DDX60: variants seen among roughly 807,000 people sequenced by gnomAD.
The protein encoded by DDX60 is probable ATP-dependent RNA helicase DDX60.
In DDX60, 165 loss-of-function variants were observed where a neutral mutation model predicts 212.8. The observed-to-expected ratio is 0.78, with a 90% CI of 0.68 to 0.88. The LOEUF is 0.88. DDX60 is among the 40% of genes least tolerant of loss of function. The pLI, the probability that DDX60 is intolerant of heterozygous loss-of-function variation, is 0.00. For synonymous variants in DDX60, 703 were observed against 685.3 expected, an observed-to-expected ratio of 1.03 and a Z score of -0.40; for missense variants, 1,905 against 2,003.9, an observed-to-expected ratio of 0.95 and a Z score of 0.94.
chr4:168,228,331 C>T (rs1397048196), intron 33 of DDX60, among the ~76,000 whole-genome samples: 2 of 151,932 alleles, frequency 1.3e-5, no homozygotes, highest in East Asian at 3.9e-4. Context: ...TAAGATATAG[C>T]CTGAAAATCT....
At chr4:168,259,223 TC>T (rs1734529968) in intron 25 of DDX60, among the ~76,000 whole-genome samples, 1 of 152,196 alleles carries the variant, frequency 6.6e-6, no homozygotes, top group Non-Finnish European at 1.5e-5. Flanking sequence ...AAATTTTGCC[TC>T]CCCTATATTT....
chr4:168,283,583 G>A lies in DDX60; in HGVS notation c.1585C>T (p.Leu529Phe). The change falls in exon 13 of 38, where the codon CTT becomes TTT. Residue 529 changes from leucine to phenylalanine, a missense_variant. Leu to Phe is a conservative substitution (Grantham distance 22). Coordinates refer to ENST00000393743, the MANE Select transcript of DDX60 (RefSeq NM_017631.6). ...FDEKSRDPRV[L>F]RSVQKYHVFQ... is the part of the protein sequence containing the mutation. ...ACATGATACTTTTGCACAGATCTAA[G>A]AACACGAGGGTCTCTAGATTTTTCT... 1 of 1,605,280 alleles carries A rather than the reference G, an allele frequency of 6.2e-7. No individual in the cohort carries two copies. Among genetic ancestry groups the A allele is most frequent in the Non-Finnish European group, 8.5e-7 (1 of 1,176,934 alleles).
chr4:168,276,887 A>C (rs943353684), intron 14 of DDX60, among the ~76,000 whole-genome samples: 11 of 152,228 alleles, frequency 7.2e-5, no homozygotes, highest in South Asian at 2.1e-4. Flanking sequence ...TGAGCAGTTC[A>C]CTTAGAAAAA....
chr4:168,267,629 T>C lies in DDX60; in HGVS notation c.2992A>G (p.Ile998Val), dbSNP rs576619. ...CATGGGTGAAAATGATCAAAATGAA[T>C]GTCACCATGTTTTATTGAACATACA... ...KHVCSIKHGD[I>V]HFDHFHPCAA... The change falls in exon 22 of 38, where the codon ATT (isoleucine) becomes GTT (valine). Residue 998 changes from isoleucine to valine, a missense_variant. Coordinates refer to ENST00000393743, the MANE Select transcript of DDX60 (RefSeq NM_017631.6). 0.076 allele frequency: 121,198 copies of C among 1,600,712 alleles called. 4,989 individuals are homozygous for C. The highest frequency in any genetic ancestry group is 0.12 in the African/African-American group (8,980 of 74,720).
chr4:168,251,232 T>C (rs1734209043), intron 27 of DDX60, 126 bp from the exon 28 acceptor site: 1 of 809,018 alleles, frequency 1.2e-6, no homozygotes, highest in African/African-American at 1.8e-5. Flanking sequence ...AAACTGACTC[T>C]ACATGAATAC....
intron 7 of DDX60, among the ~76,000 whole-genome samples, chr4:168,293,348 T>C (rs1321179074): frequency 6.6e-6 from 1 of 152,214 alleles, no homozygotes; most frequent in Non-Finnish European, 1.5e-5. Flanking sequence ...CAATCCACCT[T>C]GCTATTTAGT....
intron 13 of DDX60, among the ~76,000 whole-genome samples, chr4:168,282,019 C>CA (rs1315142372): frequency 2.6e-5 from 4 of 151,950 alleles, no homozygotes; most frequent in Admixed American, 2.0e-4. Context: ...ACAACAACAA[C>CA]AAAAAAACTG....
intron 19 of DDX60, among the ~76,000 whole-genome samples, chr4:168,270,931 G>A (rs1397188941): frequency 1.5e-5 from 2 of 134,610 alleles, no homozygotes; most frequent in Non-Finnish European, 3.0e-5. Context: ...AGGCTGGAGT[G>A]CAGTGGTACG....
rs1579075247 is a variant in DDX60 at position 168,302,108 on chromosome 4, G to T, written c.723+192C>A. The stretch of plus-strand genomic sequence containing the variant: ...GGAAAAGTCAGTGTAATTGGAATAA[G>T]GTCTAAAGTTTAGTTAATAGGATTG... On this transcript the variant is annotated intron_variant, in intron 6 of 37. Coordinates refer to ENST00000393743, the MANE Select transcript of DDX60 (RefSeq NM_017631.6). Among the ~76,000 whole-genome samples the T allele has an allele frequency of 3.3e-5, 5 of 152,288 alleles. No individual in the cohort carries two copies. The South Asian group carries it at 1.0e-3, about 32-fold the overall frequency.
At chr4:168,305,920 AGGGG>A (rs1418071748) in intron 5 of DDX60, among the ~76,000 whole-genome samples, 2 of 152,112 alleles carry the variant, frequency 1.3e-5, no homozygotes, top group South Asian at 4.1e-4. Context: ...TCTCAGCAAC[AGGGG>A]CGTAATTTTT....
chr4:168,275,167 G>T (rs994692168), intron 16 of DDX60, among the ~76,000 whole-genome samples, 178 bp downstream of exon 16: 1 of 152,024 alleles, frequency 6.6e-6, no homozygotes, highest in African/African-American at 2.4e-5. Context: ...TATAATAAAA[G>T]AAAATCTCAC....
intron 24 of DDX60, among the ~76,000 whole-genome samples, chr4:168,261,612 G>T (rs1734626024): frequency 6.6e-6 from 1 of 152,078 alleles, no homozygotes; most frequent in South Asian, 2.1e-4. Context: ...GAAATAAGAA[G>T]AAGAAAAGGA....
chr4:168,313,205 G>A (rs1737217589), intron 1 of DDX60, among the ~76,000 whole-genome samples: 1 of 152,174 alleles, frequency 6.6e-6, no homozygotes, highest in Non-Finnish European at 1.5e-5. Context: ...GTGTTCTGAG[G>A]TTTCAAGAAC....
chr4:168,269,448 A>G (rs766867597), intron 19 of DDX60, among the ~76,000 whole-genome samples: 8 of 152,100 alleles, frequency 5.3e-5, no homozygotes, highest in Non-Finnish European at 1.0e-4. Flanking sequence ...AAAACAAAAA[A>G]AAATTAGCCG....
Position 168,248,430 on chromosome 4 carries a change from G to C in DDX60, c.3859-138C>G, listed in dbSNP as rs1396356497. 5.3e-5 allele frequency: 30 copies of C among 566,204 alleles called. No homozygotes were observed. The Admixed American group carries it at 1.1e-3, about 20-fold the overall frequency. The allele number at this position is 566,204 out of a possible 1,614,324, so 35.1% of individuals were successfully genotyped here. ...GAAAGCTAGAGAAACTAGACACATT[G>C]GTACTCTTGCTATTTCACAAACACC... On this transcript the variant is annotated intron_variant, in intron 28 of 37. Transcript: ENST00000393743.
At chr4:168,311,110 C>G in intron 2 of DDX60, 43 bp from the exon 3 acceptor site, 1 of 1,431,826 alleles carries the variant, frequency 7.0e-7, no homozygotes, top group Non-Finnish European at 9.7e-7. Context: ...GGTTATTTTT[C>G]AATTGGTCCT....
At chr4:168,265,706 C>T (rs754986892) in intron 22 of DDX60, 27 of 152,190 alleles carry the variant, frequency 1.8e-4, no homozygotes, top group Admixed American at 1.1e-3. Flanking sequence ...GATAATCTGC[C>T]TTGAACCATC....
the DDX60 span, among the ~76,000 whole-genome samples, chr4:168,325,414 G>C: frequency 1.3e-5 from 2 of 152,020 alleles, no homozygotes; most frequent in South Asian, 4.1e-4. Flanking sequence ...TTTTGTTTAG[G>C]TTTGAATTGT....
chr4:168,311,534 C>T (rs1737134040), intron 1 of DDX60, among the ~76,000 whole-genome samples, 169 bp from the exon 2 acceptor site: 1 of 152,088 alleles, frequency 6.6e-6, no homozygotes, highest in Admixed American at 6.5e-5. Context: ...ATCATAGAAA[C>T]AATGGAACAT....
Sources: gnomAD v4.1 joint callset for allele counts (sites outside exome capture counted in the v4.1 genomes callset) on GRCh38, gnomAD v4.1.1 for gene constraint, MANE v1.5 for transcripts, NCBI Gene and HGNC (gene_info 2026-07-23, HGNC 2026-07-21) for gene names.